Variants in AOAH observed in about 807,000 individuals in gnomAD.
AOAH encodes acyloxyacyl hydrolase, also known as acyloxyacyl hydrolase (neutrophil).
A neutral mutation model predicts 92.2 loss-of-function variants in AOAH; 64 were observed. The ratio of observed to expected loss-of-function variants is 0.69; its 90% CI spans 0.57 to 0.86. AOAH has a LOEUF of 0.86. AOAH is among the 40% of genes least tolerant of loss of function. AOAH has a pLI of 0.00. For missense variants in AOAH, 656 were observed against 694.6 expected (o/e 0.94, Z 0.62); for synonymous variants, 263 against 254.5 (o/e 1.03, Z -0.32).
At chr7:36,555,909 A>G (rs1786669211) in intron 13 of AOAH, among the ~76,000 whole-genome samples, 3 of 151,796 alleles carry the variant, frequency 2.0e-5, no homozygotes, top group Admixed American at 2.0e-4. Flanking sequence ...CGGTCTATCA[A>G]TTTTGTTGAT....
intron 15 of AOAH, among the ~76,000 whole-genome samples, chr7:36,541,001 G>T (rs1785389852): frequency 6.6e-6 from 1 of 152,192 alleles, no homozygotes; most frequent in East Asian, 1.9e-4. Context: ...AATGAAAGGG[G>T]TCTGGTATTA....
At chr7:36,624,841 C>T (rs1792524480) in intron 6 of AOAH, among the ~76,000 whole-genome samples, 1 of 152,224 alleles carries the variant, frequency 6.6e-6, no homozygotes, top group Non-Finnish European at 1.5e-5. Context: ...CTGAGAACAC[C>T]AACTCCTCCC....
chr7:36,513,338 G>A lies in AOAH; in HGVS notation c.1642C>T (p.Gln548Ter), dbSNP rs759358575. Reference sequence around the variant, plus strand: ...CCCAGGATTTGGGGCCACTGGAGCTGCACCTTTTTCCAGAAATGATCCGCC... The same window carrying A: ...CCCAGGATTTGGGGCCACTGGAGCTACACCTTTTTCCAGAAATGATCCGCC... ...LLADHFWKKV[Q>*]LQWPQILGKE... Residue 548 changes from glutamine (Q) to a stop codon, truncating the protein, a stop_gained, in exon 21 of 21, where the codon CAG becomes TAG. Transcript: ENST00000617537. LOFTEE classifies it high-confidence loss of function. The A allele has an allele frequency of 3.7e-6, 6 of 1,614,056 alleles. No homozygotes were observed. In the Admixed American group the frequency reaches 6.7e-5, roughly 18 times the overall value.
intron 11 of AOAH, 185 bp from the exon 12 acceptor site, chr7:36,594,615 T>C: frequency 1.5e-6 from 1 of 671,896 alleles, no homozygotes; most frequent in Non-Finnish European, 2.7e-6. Context: ...GAAGTCACAA[T>C]GATCAGCACC....
intron 19 of AOAH, among the ~76,000 whole-genome samples, chr7:36,530,099 C>T (rs76571911): frequency 0.019 from 2,838 of 152,252 alleles, 66 homozygotes; most frequent in Non-Finnish European, 0.03. Flanking sequence ...GCTTTTAACC[C>T]GACAAGAACA....
At chr7:36,627,545 C>CAAAAAA (rs146066329) in intron 6 of AOAH, among the ~76,000 whole-genome samples, 2 of 145,718 alleles carry the variant, frequency 1.4e-5, no homozygotes, top group African/African-American at 5.0e-5. Flanking sequence ...GGAAAGCACT[C>CAAAAAA]AAAAAAAAAA....
At position 36,567,280 on chromosome 7, in the gene AOAH, T is replaced by C. The variant is rs1233469603; in HGVS notation, c.1021+9294A>G. ...CTAACAGTCTGAGGCAGCAGAATAG[T>C]GATTTTAGAAGCCAGAACCCAAATA... is the stretch of plus-strand genomic sequence containing the variant. On this transcript the variant is annotated intron_variant, in intron 13 of 20. Transcript: ENST00000617537. Among the ~76,000 whole-genome samples the C allele has an allele frequency of 2.0e-5, 3 of 152,136 alleles. No individual in the cohort carries two copies. The East Asian group carries it at 5.8e-4, about 29-fold the overall frequency.
chr7:36,641,603 T>TCCTGAGAAGG (rs1056111739), intron 4 of AOAH, among the ~76,000 whole-genome samples: 1 of 152,188 alleles, frequency 6.6e-6, no homozygotes. Flanking sequence ...AAGGGTTGCT[T>TCCTGAGAAGG]CCTCCTGAAG....
intron 2 of AOAH, among the ~76,000 whole-genome samples, chr7:36,680,820 C>T (rs1322367644): frequency 6.6e-6 from 1 of 152,194 alleles, no homozygotes; most frequent in Non-Finnish European, 1.5e-5. Context: ...CAACCCATCA[C>T]TGAAAACCAA....
At chr7:36,555,294 C>T (rs1226866761) in intron 13 of AOAH, among the ~76,000 whole-genome samples, 1 of 152,182 alleles carries the variant, frequency 6.6e-6, no homozygotes, top group African/African-American at 2.4e-5. Flanking sequence ...CATTTATTGA[C>T]TTGCGCATAC....
intron 4 of AOAH, among the ~76,000 whole-genome samples, chr7:36,657,514 T>C (rs1794961528): frequency 6.6e-6 from 1 of 152,164 alleles, no homozygotes; most frequent in African/African-American, 2.4e-5. Context: ...GGTGAAGCTG[T>C]CCATGTGTAT....
chr7:36,513,223 C>T lies in AOAH; in HGVS notation c.*29G>A, dbSNP rs764882719. On this transcript the variant is annotated 3_prime_UTR_variant, in exon 21 of 21. Coordinates refer to ENST00000617537, the MANE Select transcript of AOAH (RefSeq NM_001637.4). Reference sequence around the variant, plus strand: ...TTACCCAAGCCTCTGCCTCCCTGTGCTCCCCAGGGGTGCATGCTCCTGAGA... The same window carrying T: ...TTACCCAAGCCTCTGCCTCCCTGTGTTCCCCAGGGGTGCATGCTCCTGAGA... The T allele has an allele frequency of 1.1e-5, 17 of 1,614,202 alleles. No homozygotes were observed. The South Asian group carries it at 1.5e-4, about 15-fold the overall frequency.
intron 10 of AOAH, among the ~76,000 whole-genome samples, chr7:36,617,939 T>C (rs751416405): frequency 7.2e-5 from 11 of 152,210 alleles, no homozygotes; most frequent in Non-Finnish European, 1.5e-4. Flanking sequence ...GTAGTGTAAT[T>C]AGAGGAAAAT....
rs772478951 is a variant in AOAH at position 36,532,168 on chromosome 7, C to T, written c.1404G>A (p.Thr468=). The change falls in exon 18 of 21, where the codon ACG becomes ACA. Residue 468 remains threonine (T), a synonymous_variant. Coordinates refer to ENST00000617537, the MANE Select transcript of AOAH (RefSeq NM_001637.4). ...ATACCTCTGAAGTGAGAGTCCGCAA[C>T]GTCTTGTTGGAAGACATCCAGCCGT... is the stretch of plus-strand genomic sequence containing the variant. The part of the protein sequence containing the change: ...PCHGWMSSNK[T]LRTLTSERAE... 4.3e-6 allele frequency: 7 copies of T among 1,614,212 alleles called. No homozygotes were observed. Among genetic ancestry groups the T allele is most frequent in the Admixed American group, 1.7e-5 (1 of 60,026 alleles).
chr7:36,633,030 C>T (rs546570883), intron 5 of AOAH, among the ~76,000 whole-genome samples: 1 of 152,298 alleles, frequency 6.6e-6, no homozygotes, highest in East Asian at 1.9e-4. Context: ...AGGGTGGAGG[C>T]CCCAGCTCCG....
At chr7:36,566,978 T>A (rs1037154341) in intron 13 of AOAH, among the ~76,000 whole-genome samples, 9 of 152,026 alleles carry the variant, frequency 5.9e-5, no homozygotes, top group African/African-American at 1.9e-4. Flanking sequence ...CTGTCTAATT[T>A]TTTGTATTTT....
intron 11 of AOAH, among the ~76,000 whole-genome samples, chr7:36,598,755 C>A (rs1286912469): frequency 6.6e-6 from 1 of 152,126 alleles, no homozygotes; most frequent in Non-Finnish European, 1.5e-5. Context: ...CTATTAATAG[C>A]AAATGTTTTA....
intron 13 of AOAH, among the ~76,000 whole-genome samples, chr7:36,555,952 T>G (rs1583808727): frequency 6.6e-6 from 1 of 152,294 alleles, no homozygotes; most frequent in Non-Finnish European, 1.5e-5. Context: ...ATTCATTGAT[T>G]TTTTGAAGGG....
At chr7:36,656,086 G>A (rs1794867537) in intron 4 of AOAH, among the ~76,000 whole-genome samples, 1 of 152,098 alleles carries the variant, frequency 6.6e-6, no homozygotes, top group Admixed American at 6.5e-5. Flanking sequence ...TTTTCCTACA[G>A]CAAGGCATCT....
Sources: allele counts gnomAD v4.1 joint callset (sites outside exome capture counted in the v4.1 genomes callset), GRCh38; gene constraint gnomAD v4.1.1; transcripts MANE v1.5; gene names NCBI Gene and HGNC (gene_info 2026-07-23, HGNC 2026-07-21).